The following PRSS23 variants were observed in gnomAD, a reference collection of about 807,000 sequenced individuals.
The protein encoded by PRSS23 is serine protease 23.
Under a neutral mutation model 34.7 loss-of-function variants are expected in PRSS23, and 25 were observed. The observed-to-expected ratio is 0.72, with a 90% CI of 0.53 to 1.01. PRSS23 has a LOEUF of 1.01. Ranked by LOEUF, PRSS23 falls within the 50% of genes least tolerant of loss-of-function variation. The pLI is 0.00. For synonymous variants in PRSS23, 176 were observed against 186.6 expected (o/e 0.94, Z 0.46); for missense variants, 445 against 475.6 (o/e 0.94, Z 0.60).
At chr11:86,911,261 TCCA>T (rs1948975223) in intron 2 of PRSS23, 1 of 152,242 alleles carries the variant, frequency 6.6e-6, no homozygotes, top group African/African-American at 2.4e-5. Flanking sequence ...CCTATCCCTT[TCCA>T]CCACATCACT....
intron 2 of PRSS23, among the ~76,000 whole-genome samples, chr11:86,900,009 A>T (rs1000542362): frequency 6.6e-6 from 1 of 152,204 alleles, no homozygotes; most frequent in African/African-American, 2.4e-5. Flanking sequence ...ATGGTCTATG[A>T]TGGAGGGAAG....
upstream of PRSS23, among the ~76,000 whole-genome samples, chr11:86,795,780 G>C (rs887370136): frequency 2.0e-5 from 3 of 152,164 alleles, no homozygotes; most frequent in Non-Finnish European, 4.4e-5. Context: ...CAAGATCCAC[G>C]TAACACTTTA....
intron 2 of PRSS23, among the ~76,000 whole-genome samples, chr11:86,902,372 A>AT (rs1233846986): frequency 6.6e-6 from 1 of 151,994 alleles, no homozygotes; most frequent in African/African-American, 2.4e-5. Flanking sequence ...TTGGTACTTA[A>AT]TTTTTTTCTT....
At position 86,808,941 on chromosome 11, in the gene PRSS23, A is replaced by G; in HGVS notation, c.*146A>G. ...TCTTATAATCTTTTACCTATTTCTT[A>G]CAATTGCAAGATGACTGGCTTTACT... is the stretch of plus-strand genomic sequence containing the variant. On this transcript the variant is annotated 3_prime_UTR_variant, in exon 2 of 2. Transcript: ENST00000280258. 1 of 676,890 alleles carries G rather than the reference A, an allele frequency of 1.5e-6. No homozygotes were observed. Among genetic ancestry groups the G allele is most frequent in the Non-Finnish European group, 2.5e-6 (1 of 407,960 alleles). 41.9% of individuals were successfully genotyped at this position (676,890 alleles called of 1,614,324 possible). A position where few individuals can be genotyped will look rare whatever the true frequency, so the allele number is the denominator to read the frequency against.
At chr11:86,835,618 C>T (rs1353458929) in intron 2 of PRSS23, among the ~76,000 whole-genome samples, 2 of 152,180 alleles carry the variant, frequency 1.3e-5, no homozygotes, top group Non-Finnish European at 2.9e-5. Flanking sequence ...TCGGCAGAAA[C>T]CTGTTATGCC....
intron 2 of PRSS23, among the ~76,000 whole-genome samples, chr11:86,840,954 TA>T (rs1948442751): frequency 6.6e-6 from 1 of 152,106 alleles, no homozygotes; most frequent in Admixed American, 6.6e-5. Context: ...GGGACACATT[TA>T]AAGCAGTGTG....
At chr11:86,898,212 T>A (rs1948889154) in intron 2 of PRSS23, among the ~76,000 whole-genome samples, 1 of 152,184 alleles carries the variant, frequency 6.6e-6, no homozygotes, top group Non-Finnish European at 1.5e-5. Flanking sequence ...ATGTCAATAG[T>A]GCAGTGAGGA....
exon 3 of PRSS23, chr11:86,951,957 T>C (rs1949296624): frequency 1.2e-6 from 2 of 1,614,030 alleles, no homozygotes; most frequent in African/African-American, 2.7e-5. Flanking sequence ...ATATAAGCAA[T>C]GCTATAAATA....
chr11:86,872,640 A>T (rs1355186196), intron 2 of PRSS23, among the ~76,000 whole-genome samples: 1 of 152,236 alleles, frequency 6.6e-6, no homozygotes, highest in Non-Finnish European at 1.5e-5. Context: ...TTAATTTTTC[A>T]TACAAGAAAA....
rs190422437 is a variant in PRSS23 at position 86,833,617 on chromosome 11, C to G, written c.206+10024C>G. Among the ~76,000 whole-genome samples, 315 of 152,156 alleles carry G rather than the reference C, an allele frequency of 2.1e-3. 1 individual carries two copies. The highest frequency in any genetic ancestry group is 6.8e-3 in the African/African-American group (284 of 41,496). ...CCAGATCATTTTCCCTCCCACTGTGCTCTCAGGCCATAGATGATTGGCTAT... is the reference window on the plus strand; with the variant it reads ...CCAGATCATTTTCCCTCCCACTGTGGTCTCAGGCCATAGATGATTGGCTAT... On this transcript the variant is annotated intron_variant, in intron 2 of 2. Transcript: ENST00000533902.
At chr11:86,877,717 G>A (rs976994420) in intron 2 of PRSS23, among the ~76,000 whole-genome samples, 1 of 152,102 alleles carries the variant, frequency 6.6e-6, no homozygotes, top group African/African-American at 2.4e-5. Context: ...GTGCCATACA[G>A]TCTTGATAAC....
chr11:86,799,102 G>A (rs1948001362), upstream of PRSS23, among the ~76,000 whole-genome samples: 1 of 152,102 alleles, frequency 6.6e-6, no homozygotes, highest in African/African-American at 2.4e-5. Context: ...TTCTATTTAA[G>A]AAATACCAGG....
At chr11:86,926,580 G>A (rs180977962) in intron 2 of PRSS23, among the ~76,000 whole-genome samples, 86 of 152,230 alleles carry the variant, frequency 5.6e-4, no homozygotes, top group African/African-American at 1.9e-3. Flanking sequence ...GCAGAAACTG[G>A]GAAGTCAGAA....
At chr11:86,800,274 G>A (rs553664308), upstream of PRSS23, 301 of 189,460 alleles carry the variant, frequency 1.6e-3, 1 homozygote, top group African/African-American at 6.7e-3. Flanking sequence ...GCCAGAGCCG[G>A]TGCTGCCTGG....
chr11:86,879,849 C>A, intron 2 of PRSS23, among the ~76,000 whole-genome samples: 1 of 144,112 alleles, frequency 6.9e-6, no homozygotes, highest in Non-Finnish European at 1.5e-5. Flanking sequence ...GCCCGGCCAG[C>A]CGCCCCGTCC....
At chr11:86,943,180 T>C (rs1949217388) in intron 2 of PRSS23, among the ~76,000 whole-genome samples, 1 of 152,270 alleles carries the variant, frequency 6.6e-6, no homozygotes, top group African/African-American at 2.4e-5. Context: ...TCATGGCATT[T>C]ATTCTAGAAG....
rs866090871 is a variant in PRSS23 at position 86,859,533 on chromosome 11, C to T, written c.206+35940C>T. On this transcript the variant is annotated intron_variant, in intron 2 of 2. Transcript: ENST00000533902. ...GAGTTGAAGATATTACTCCCAATAT[C>T]GCAGCAGGTGTACAAACCCCTGTGA... Among the ~76,000 whole-genome samples the T allele has an allele frequency of 7.2e-4, 110 of 152,008 alleles. 1 individual carries two copies. The highest frequency in any genetic ancestry group is 2.3e-3 in the African/African-American group (94 of 41,422).
chr11:86,890,600 C>T (rs1215754898), intron 2 of PRSS23, among the ~76,000 whole-genome samples: 1 of 152,186 alleles, frequency 6.6e-6, no homozygotes, highest in Non-Finnish European at 1.5e-5. Flanking sequence ...TTATGAAGAA[C>T]ATCTGAGCCC....
intron 2 of PRSS23, among the ~76,000 whole-genome samples, chr11:86,930,829 C>A (rs1949120276): frequency 6.6e-6 from 1 of 150,602 alleles, no homozygotes; most frequent in African/African-American, 2.4e-5. Context: ...GAAAAAGGGA[C>A]CTCACGTACA....
Sources: allele counts gnomAD v4.1 joint callset (sites outside exome capture counted in the v4.1 genomes callset), GRCh38; gene constraint gnomAD v4.1.1; transcripts MANE v1.5; gene names NCBI Gene and HGNC (gene_info 2026-07-23, HGNC 2026-07-21).